The following DOCK3 variants were observed in gnomAD, a reference collection of about 807,000 sequenced individuals.
DOCK3 encodes the protein dedicator of cytokinesis protein 3.
DOCK3 carries 60 observed loss-of-function variants against 265.6 expected under a neutral mutation model. That is an observed-to-expected ratio of 0.23 (90% confidence interval 0.18 to 0.28). DOCK3 has a LOEUF of 0.28. Among genes scored for constraint, DOCK3 ranks in the 10% least tolerant of loss-of-function variants. The pLI is 1.00. For synonymous variants in DOCK3, 881 were observed against 938.0 expected (o/e 0.94, Z 1.11); for missense variants, 1,981 against 2,594.3 (o/e 0.76, Z 5.14).
At chr3:51,244,324 C>A (rs1326358121) in intron 21 of DOCK3, among the ~76,000 whole-genome samples, 2 of 151,870 alleles carry the variant, frequency 1.3e-5, no homozygotes, top group African/African-American at 4.8e-5. Flanking sequence ...ATTAAACCTT[C>A]TAATTAATGA....
intron 27 of DOCK3, 60 bp downstream of exon 27, chr3:51,280,264 G>A: frequency 6.7e-7 from 1 of 1,498,818 alleles, no homozygotes; most frequent in Non-Finnish European, 9.1e-7. Context: ...CTCCCCAGGG[G>A]CTTTTTCCCT....
intron 1 of DOCK3, among the ~76,000 whole-genome samples, chr3:50,766,354 T>G (rs779943689): frequency 6.8e-6 from 1 of 146,278 alleles, no homozygotes; most frequent in Non-Finnish European, 1.5e-5. Context: ...TACCCACCTA[T>G]GAGTGAGAAC....
intron 4 of DOCK3, among the ~76,000 whole-genome samples, chr3:50,916,269 A>G (rs1161041491): frequency 6.6e-6 from 1 of 151,816 alleles, no homozygotes; most frequent in Non-Finnish European, 1.5e-5. Flanking sequence ...TTAACTCCTT[A>G]CTGTTGGGAT....
chr3:50,922,299 C>T (rs1195263423), intron 4 of DOCK3, among the ~76,000 whole-genome samples: 1 of 152,232 alleles, frequency 6.6e-6, no homozygotes, highest in African/African-American at 2.4e-5. Flanking sequence ...GCAGTTTGAT[C>T]TCAGACTGCT....
At chr3:51,162,919 A>C (rs1166274777) in intron 12 of DOCK3, among the ~76,000 whole-genome samples, 1 of 152,246 alleles carries the variant, frequency 6.6e-6, no homozygotes, top group Non-Finnish European at 1.5e-5. Flanking sequence ...TAGAGTTAAA[A>C]TGTACAATAA....
At chr3:50,902,085 T>C (rs890945158) in intron 4 of DOCK3, among the ~76,000 whole-genome samples, 4 of 152,162 alleles carry the variant, frequency 2.6e-5, no homozygotes, top group Non-Finnish European at 5.9e-5. Context: ...TGTTTTTTTC[T>C]TGTAAATTTG....
chr3:51,356,888 G>A (rs1298315263), intron 43 of DOCK3, 74 bp from the exon 44 acceptor site: 6 of 1,478,468 alleles, frequency 4.1e-6, no homozygotes, highest in Non-Finnish European at 4.5e-6. Flanking sequence ...ACAGATCTTA[G>A]ACCCCAGCTC....
chr3:51,368,814 C>T (rs145042388), intron 49 of DOCK3, among the ~76,000 whole-genome samples: 10 of 152,308 alleles, frequency 6.6e-5, no homozygotes, highest in Middle Eastern at 3.4e-3. Flanking sequence ...CAGTAGGGGG[C>T]GACTGACACC....
chr3:51,265,223 A>T (rs1357526882), intron 23 of DOCK3, among the ~76,000 whole-genome samples: 1 of 152,186 alleles, frequency 6.6e-6, no homozygotes, highest in African/African-American at 2.4e-5. Flanking sequence ...GCGTACAACC[A>T]AAAAAATCCC....
intron 1 of DOCK3, among the ~76,000 whole-genome samples, chr3:50,738,895 G>C (rs888289138): frequency 6.6e-6 from 1 of 152,030 alleles, no homozygotes; most frequent in African/African-American, 2.4e-5. Context: ...TCATATCTCC[G>C]TTGGTAGGCT....
chr3:50,945,984 T>A (rs2076415953), intron 5 of DOCK3, among the ~76,000 whole-genome samples: 1 of 150,888 alleles, frequency 6.6e-6, no homozygotes, highest in South Asian at 2.1e-4. Context: ...CCCAGCTACT[T>A]GGGAAGCTGA....
rs141032912 is a variant in DOCK3 at position 51,265,293 on chromosome 3, T to C, written c.2355+4967T>C. 4.3e-3 allele frequency among the ~76,000 whole-genome samples: 658 copies of C among 152,292 alleles called. 9 individuals carry two copies. The highest frequency in any genetic ancestry group is 0.013 in the African/African-American group (556 of 41,548). On this transcript the variant is annotated intron_variant, in intron 23 of 52. Coordinates refer to ENST00000266037, the MANE Select transcript of DOCK3 (RefSeq NM_004947.5). ...AGGTACAAAGAAGAGGTGATACCAT[T>C]CCTTCTGAAACTATTCCAAACAATA... is the stretch of plus-strand genomic sequence containing the variant.
At chr3:50,996,749 T>C (rs1175296789) in intron 5 of DOCK3, among the ~76,000 whole-genome samples, 1 of 152,188 alleles carries the variant, frequency 6.6e-6, no homozygotes, top group East Asian at 1.9e-4. Context: ...TCTTTTATTC[T>C]CTCCATACAA....
intron 12 of DOCK3, among the ~76,000 whole-genome samples, chr3:51,165,770 G>T (rs938270975): frequency 6.6e-6 from 1 of 152,004 alleles, no homozygotes; most frequent in East Asian, 1.9e-4. Context: ...ACAAAAGCAG[G>T]ATTCCCTTTT....
intron 4 of DOCK3, among the ~76,000 whole-genome samples, chr3:50,902,922 C>G (rs1052701835): frequency 6.6e-6 from 1 of 152,146 alleles, no homozygotes; most frequent in South Asian, 2.1e-4. Context: ...ATATTTTATT[C>G]TCTTTGTAGC....
At chr3:51,080,488 A>G (rs2082190984) in intron 7 of DOCK3, among the ~76,000 whole-genome samples, 3 of 152,206 alleles carry the variant, frequency 2.0e-5, no homozygotes, top group South Asian at 2.1e-4. Context: ...CTGAAAAGGG[A>G]GGTATTGGCT....
intron 9 of DOCK3, among the ~76,000 whole-genome samples, chr3:51,108,869 A>G (rs566893349): frequency 1.3e-5 from 2 of 152,362 alleles, no homozygotes; most frequent in East Asian, 3.9e-4. Context: ...ACACAGGAGC[A>G]CTCAAATTCA....
intron 21 of DOCK3, among the ~76,000 whole-genome samples, chr3:51,244,530 T>G (rs185977710): frequency 6.6e-6 from 1 of 152,340 alleles, no homozygotes; most frequent in Admixed American, 6.5e-5. Flanking sequence ...GTGTTGATTT[T>G]GTGTCCTGCA....
chr3:50,977,133 G>T, intron 5 of DOCK3, among the ~76,000 whole-genome samples: 1 of 151,126 alleles, frequency 6.6e-6, no homozygotes, highest in Non-Finnish European at 1.5e-5. Flanking sequence ...GGAGCATTTA[G>T]TCCATTTACA....
Sources: allele counts gnomAD v4.1 joint callset (sites outside exome capture counted in the v4.1 genomes callset), GRCh38; gene constraint gnomAD v4.1.1; transcripts MANE v1.5; gene names NCBI Gene and HGNC (gene_info 2026-07-23, HGNC 2026-07-21).